The following PTPRR variants were observed in gnomAD, a reference collection of about 807,000 sequenced individuals.
The protein encoded by PTPRR is receptor-type tyrosine-protein phosphatase R.
A neutral mutation model predicts 77.2 loss-of-function variants in PTPRR; 38 were observed. That is an observed-to-expected ratio of 0.49 (90% confidence interval 0.38 to 0.65). The LOEUF is 0.65. Ranked by LOEUF, PTPRR falls within the 30% of genes least tolerant of loss-of-function variation. PTPRR has a pLI of 0.00. For synonymous variants in PTPRR, 299 were observed against 283.1 expected, an observed-to-expected ratio of 1.06 and a Z score of -0.57; for missense variants, 744 against 799.2, an observed-to-expected ratio of 0.93 and a Z score of 0.83.
chr12:70,803,836 C>T (rs764533737), intron 2 of PTPRR, among the ~76,000 whole-genome samples: 3 of 152,092 alleles, frequency 2.0e-5, no homozygotes, highest in Non-Finnish European at 2.9e-5. Flanking sequence ...AATTGATCTT[C>T]TTTACTGCCA....
chr12:70,875,618 ATGAC>A (rs1435013127), intron 2 of PTPRR, among the ~76,000 whole-genome samples: 2 of 151,076 alleles, frequency 1.3e-5, no homozygotes, highest in Non-Finnish European at 2.9e-5. Context: ...CCTTGTAAGA[ATGAC>A]TGGGATTTAT....
At chr12:70,682,317 A>T (rs2136728012) in intron 10 of PTPRR, among the ~76,000 whole-genome samples, 1 of 152,096 alleles carries the variant, frequency 6.6e-6, no homozygotes, top group East Asian at 1.9e-4. Flanking sequence ...TGCTGGGATT[A>T]CAGGCGTGAG....
At chr12:70,881,228 T>C (rs1358020110) in intron 2 of PTPRR, among the ~76,000 whole-genome samples, 1 of 152,110 alleles carries the variant, frequency 6.6e-6, no homozygotes, top group African/African-American at 2.4e-5. Flanking sequence ...GCAGGAAAAA[T>C]AAACAAATTC....
intron 13 of PTPRR, among the ~76,000 whole-genome samples, chr12:70,650,749 CAGA>C (rs1278750359): frequency 6.6e-6 from 1 of 152,142 alleles, no homozygotes; most frequent in African/African-American, 2.4e-5. Context: ...GCCTGTTCCA[CAGA>C]ACACAGGATG....
chr12:70,871,744 TA>T (rs1565725513), intron 2 of PTPRR, among the ~76,000 whole-genome samples: 1 of 152,198 alleles, frequency 6.6e-6, no homozygotes, highest in Non-Finnish European at 1.5e-5. Flanking sequence ...AGAGTAAAAT[TA>T]AAGACTTTAA....
intron 8 of PTPRR, among the ~76,000 whole-genome samples, chr12:70,696,778 C>T (rs1888248052): frequency 6.6e-6 from 1 of 152,084 alleles, no homozygotes; most frequent in Admixed American, 6.6e-5. Context: ...TCCATATCCC[C>T]TAATGCTAAG....
At chr12:70,653,964 T>TA (rs1331176448) in intron 13 of PTPRR, among the ~76,000 whole-genome samples, 2 of 152,010 alleles carry the variant, frequency 1.3e-5, no homozygotes, top group Non-Finnish European at 2.9e-5. Context: ...ACAGGGAAGA[T>TA]ACGGTTAGAA....
chr12:70,797,543 C>T (rs1891537523), intron 2 of PTPRR, among the ~76,000 whole-genome samples: 1 of 152,182 alleles, frequency 6.6e-6, no homozygotes, highest in East Asian at 1.9e-4. Flanking sequence ...GTTTCTGCCT[C>T]ATCATCATCT....
intron 2 of PTPRR, among the ~76,000 whole-genome samples, chr12:70,824,489 T>C (rs1443769918): frequency 1.3e-5 from 2 of 152,162 alleles, no homozygotes; most frequent in African/African-American, 4.8e-5. Context: ...TTAAATAAAA[T>C]TGTATTTGAT....
rs149935287 is a variant in PTPRR at position 70,807,590 on chromosome 12, C to T, written c.358-42812G>A. ...GGAAAGTTTTAAGTATCTTACAGACCGGCTGAAGCCATGGCAGAAGAACAT... is the reference window on the plus strand; with the variant it reads ...GGAAAGTTTTAAGTATCTTACAGACTGGCTGAAGCCATGGCAGAAGAACAT... On this transcript the variant is annotated intron_variant, in intron 2 of 13. Transcript: ENST00000283228. Among the ~76,000 whole-genome samples the T allele has an allele frequency of 4.1e-3, 626 of 152,118 alleles. 5 individuals are homozygous for T. Among genetic ancestry groups the T allele is most frequent in the African/African-American group, 0.014 (597 of 41,448 alleles).
At chr12:70,658,750 T>C (rs1886673797) in intron 12 of PTPRR, among the ~76,000 whole-genome samples, 1 of 151,496 alleles carries the variant, frequency 6.6e-6, no homozygotes, top group African/African-American at 2.4e-5. Context: ...AAGAATTTGA[T>C]GAAGACTATA....
At chr12:70,717,319 AGAGT>A (rs1889069681) in intron 6 of PTPRR, among the ~76,000 whole-genome samples, 1 of 152,168 alleles carries the variant, frequency 6.6e-6, no homozygotes. Flanking sequence ...AAATAAAGAG[AGAGT>A]GTTAGGTGAG....
chr12:70,803,217 T>C (rs1891647616), intron 2 of PTPRR, among the ~76,000 whole-genome samples: 1 of 152,180 alleles, frequency 6.6e-6, no homozygotes, highest in Admixed American at 6.5e-5. Context: ...CCGGGGGGCA[T>C]AATACAGTAA....
intron 1 of PTPRR, among the ~76,000 whole-genome samples, chr12:70,896,208 A>G (rs984340759): frequency 2.0e-5 from 3 of 151,736 alleles, no homozygotes; most frequent in African/African-American, 7.2e-5. Flanking sequence ...TATATGCATC[A>G]AAAATGAGCT....
chr12:70,816,004 C>T (rs1247561832), intron 2 of PTPRR, among the ~76,000 whole-genome samples: 1 of 152,112 alleles, frequency 6.6e-6, no homozygotes, highest in African/African-American at 2.4e-5. Context: ...TTAAAAGAAA[C>T]ACTCTTTCCT....
At chr12:70,867,641 C>T (rs1300083061) in intron 2 of PTPRR, among the ~76,000 whole-genome samples, 3 of 152,010 alleles carry the variant, frequency 2.0e-5, no homozygotes, top group African/African-American at 7.2e-5. Flanking sequence ...AATGCCATCC[C>T]CATCAAGCTA....
rs34140284 is a variant in PTPRR at position 70,715,024 on chromosome 12, A to ATT, written c.1008-13703_1008-13702dup. ...TCTATATATTGAGTATGCCAAAATA[A>ATT]TTTTTTTTTTGTTATTTAAGACATT... On this transcript the variant is annotated intron_variant, in intron 6 of 13. Transcript: ENST00000283228. Among the ~76,000 whole-genome samples, 761 of 150,632 alleles carry ATT rather than the reference A, an allele frequency of 5.1e-3. 3 individuals are homozygous for ATT. The highest frequency in any genetic ancestry group is 9.0e-3 in the Non-Finnish European group (608 of 67,596).
intron 2 of PTPRR, among the ~76,000 whole-genome samples, chr12:70,799,702 T>G (rs1891578053): frequency 1.3e-5 from 2 of 152,172 alleles, no homozygotes; most frequent in Admixed American, 6.6e-5. Context: ...AGAAGAGCAC[T>G]CTAAATGTTT....
chr12:70,668,395 T>C (rs1887092145), intron 10 of PTPRR, among the ~76,000 whole-genome samples: 1 of 152,200 alleles, frequency 6.6e-6, no homozygotes, highest in Non-Finnish European at 1.5e-5. Flanking sequence ...ATGTTTACTA[T>C]AAAGATTAAT....
Sources: gnomAD v4.1 joint callset for allele counts (sites outside exome capture counted in the v4.1 genomes callset) on GRCh38, gnomAD v4.1.1 for gene constraint, MANE v1.5 for transcripts, NCBI Gene and HGNC (gene_info 2026-07-23, HGNC 2026-07-21) for gene names.